LZTFL1: variants seen among roughly 807,000 people sequenced by gnomAD.
The protein encoded by LZTFL1 is leucine zipper transcription factor-like protein 1.
Under a neutral mutation model 45.9 loss-of-function variants are expected in LZTFL1, and 25 were observed. The ratio of observed to expected loss-of-function variants is 0.54; its 90% CI spans 0.40 to 0.76. The LOEUF (loss-of-function observed/expected upper bound fraction) is 0.76, where lower values mean the gene tolerates loss of function less well. LZTFL1 is among the 30% of genes least tolerant of loss of function. The pLI is 0.00. For missense variants in LZTFL1, 277 were observed against 331.1 expected, an observed-to-expected ratio of 0.84 and a Z score of 1.27; for synonymous variants, 93 against 117.4, an observed-to-expected ratio of 0.79 and a Z score of 1.35.
intron 2 of LZTFL1, among the ~76,000 whole-genome samples, chr3:45,878,296 T>C (rs566315337): frequency 2.6e-4 from 40 of 152,362 alleles, no homozygotes; most frequent in Middle Eastern, 3.4e-3. Context: ...TGCAGGGGCC[T>C]GACCTTTTGA....
intron 2 of LZTFL1, among the ~76,000 whole-genome samples, chr3:45,881,680 C>T (rs1428816540): frequency 6.6e-6 from 1 of 152,166 alleles, no homozygotes; most frequent in African/African-American, 2.4e-5. Context: ...AGGGACCTTG[C>T]CCTTAAAAGT....
chr3:45,894,995 C>G (rs1421197775), intron 2 of LZTFL1: 1 of 1,596,672 alleles, frequency 6.3e-7, no homozygotes, highest in East Asian at 2.2e-5. Context: ...AAAACACACA[C>G]TCATCTTCCC....
Position 45,903,696 on chromosome 3 carries a change from C to T in LZTFL1, c.-215+9424G>A, listed in dbSNP as rs868362528. ...AGCCAGGGAGGGCGAAGGGGTGAAGCGCAGGCCTTGCTACCCCATCAACAT... is the reference window on the plus strand; with the variant it reads ...AGCCAGGGAGGGCGAAGGGGTGAAGTGCAGGCCTTGCTACCCCATCAACAT... On this transcript the variant is annotated intron_variant, in intron 2 of 4. Coordinates refer to the LZTFL1 transcript ENST00000472635. Among the ~76,000 whole-genome samples the T allele has an allele frequency of 1.7e-4, 26 of 152,332 alleles. No individual in the cohort carries two copies. In the South Asian group the frequency reaches 3.5e-3, roughly 21 times the overall value.
At chr3:45,883,634 T>C in intron 2 of LZTFL1, 1 of 436,340 alleles carries the variant, frequency 2.3e-6, no homozygotes, top group Non-Finnish European at 4.4e-6. Flanking sequence ...GTCAAAAAGG[T>C]CAGCGCTTCT....
intron 2 of LZTFL1, among the ~76,000 whole-genome samples, chr3:45,867,442 G>T (rs779069322): frequency 2.8e-4 from 43 of 152,080 alleles, no homozygotes; most frequent in Middle Eastern, 6.8e-3. Flanking sequence ...TCTTGCACCT[G>T]CTAGTCTGAA....
At chr3:45,907,281 C>T (rs2125770118) in intron 2 of LZTFL1, among the ~76,000 whole-genome samples, 1 of 152,320 alleles carries the variant, frequency 6.6e-6, no homozygotes, top group Middle Eastern at 3.4e-3. Context: ...TGGGAGTCAC[C>T]CTCCAGGCTT....
chr3:45,847,547 T>C (rs1701237461), intron 4 of LZTFL1, among the ~76,000 whole-genome samples: 1 of 152,182 alleles, frequency 6.6e-6, no homozygotes, highest in Admixed American at 6.5e-5. Context: ...AGGGGCATTG[T>C]CCAATATAAA....
chr3:45,861,518 A>G (rs938150898), intron 2 of LZTFL1, among the ~76,000 whole-genome samples: 2 of 152,170 alleles, frequency 1.3e-5, no homozygotes, highest in Non-Finnish European at 2.9e-5. Flanking sequence ...GGGTGGGGGA[A>G]TGTTTAAAAG....
chr3:45,892,763 C>T (rs571606088), intron 2 of LZTFL1, among the ~76,000 whole-genome samples: 6 of 152,168 alleles, frequency 3.9e-5, no homozygotes, highest in African/African-American at 2.4e-5. Context: ...AAAAAACCCA[C>T]GTGGGTCCGT....
At chr3:45,865,798 T>C (rs1701569490) in intron 2 of LZTFL1, among the ~76,000 whole-genome samples, 1 of 152,172 alleles carries the variant, frequency 6.6e-6, no homozygotes. Flanking sequence ...TCCTGAGTGT[T>C]TACCCAAGAG....
chr3:45,879,767 G>T (rs113183533), intron 2 of LZTFL1, among the ~76,000 whole-genome samples: 10,169 of 152,180 alleles, frequency 0.067, 366 homozygotes, highest in Non-Finnish European at 0.081. Flanking sequence ...GGGTATATAG[G>T]AACTCTCTGT....
intron 2 of LZTFL1, among the ~76,000 whole-genome samples, chr3:45,909,700 C>T (rs749218831): frequency 1.1e-4 from 17 of 152,218 alleles, no homozygotes; most frequent in Admixed American, 2.0e-4. Flanking sequence ...GAAGGAGGGA[C>T]GGAGTCCCCT....
In LZTFL1 at chr3:45,895,115, A is replaced by G. The variant is rs931224700; in HGVS notation, c.-215+18005T>C. 3 of 750,228 alleles carry G rather than the reference A, an allele frequency of 4.0e-6. No individual in the cohort carries two copies. In the Admixed American group the frequency reaches 6.4e-5, roughly 16 times the overall value. 46.5% of individuals were successfully genotyped at this position (750,228 alleles called of 1,614,324 possible). ...CGCATTGCTGGGTAGGTTGTTGTCCAGCACAGAGGGTTTTGCAAATGCAAA... is the reference window on the plus strand; with the variant it reads ...CGCATTGCTGGGTAGGTTGTTGTCCGGCACAGAGGGTTTTGCAAATGCAAA... On this transcript the variant is annotated intron_variant, in intron 2 of 4. Transcript: ENST00000472635.
rs1194643185 is a variant in LZTFL1, at chr3:45,890,313, ATATT to A, written c.-215+22803_-215+22806del. Among the ~76,000 whole-genome samples the A allele has an allele frequency of 6.5e-5, 4 of 62,014 alleles. 2 individuals are homozygous for A. The highest frequency in any genetic ancestry group is 1.8e-4 in the African/African-American group (2 of 11,408). 40.7% of individuals were successfully genotyped at this position (62,014 alleles called of 152,430 possible). ...ATAAATATATATATAACATATATAT[ATATT>A]TATATAAATATATATATAACATATA... On this transcript the variant is annotated intron_variant, in intron 2 of 4. Coordinates refer to the LZTFL1 transcript ENST00000472635.
chr3:45,880,033 A>T (rs1701824098), intron 2 of LZTFL1, among the ~76,000 whole-genome samples: 1 of 152,204 alleles, frequency 6.6e-6, no homozygotes, highest in Non-Finnish European at 1.5e-5. Context: ...GCCTCCGTAC[A>T]GGCAGAGGTC....
chr3:45,890,747 C>T (rs1702153953), intron 2 of LZTFL1, among the ~76,000 whole-genome samples: 1 of 152,126 alleles, frequency 6.6e-6, no homozygotes, highest in African/African-American at 2.4e-5. Flanking sequence ...TTTCATTCAC[C>T]TGAGAAATAT....
intron 2 of LZTFL1, among the ~76,000 whole-genome samples, chr3:45,868,281 T>C (rs1225756153): frequency 1.3e-5 from 2 of 151,892 alleles, no homozygotes; most frequent in Non-Finnish European, 2.9e-5. Context: ...GAAACTTGAT[T>C]GAAACCACTC....
Position 45,901,403 on chromosome 3 carries a change from T to A in LZTFL1, c.-215+11717A>T. Reference sequence around the variant, plus strand: ...TCTGCACCATGGTTTACCCTAGCGATGAGAGCACCAAACTGAAGTCAGCTG... The same window carrying A: ...TCTGCACCATGGTTTACCCTAGCGAAGAGAGCACCAAACTGAAGTCAGCTG... On this transcript the variant is annotated intron_variant, in intron 2 of 4. Coordinates refer to the LZTFL1 transcript ENST00000472635. This position sits in a 1 kb window ranked among gnomAD's most constrained non-coding sequence, Gnocchi z 4.3. The A allele has an allele frequency of 6.2e-7, 1 of 1,614,174 alleles. No individual in the cohort carries two copies. The highest frequency in any genetic ancestry group is 8.5e-7 in the Non-Finnish European group (1 of 1,179,998).
At chr3:45,857,092 T>G (rs1701405340) in intron 3 of LZTFL1, among the ~76,000 whole-genome samples, 1 of 152,360 alleles carries the variant, frequency 6.6e-6, no homozygotes, top group South Asian at 2.1e-4. Flanking sequence ...GTAGCACTAT[T>G]CACAATAGCA....
Sources: gnomAD v4.1 joint callset for allele counts (sites outside exome capture counted in the v4.1 genomes callset) on GRCh38, gnomAD v4.1.1 for gene constraint, Gnocchi (gnomAD v3.1) non-coding constraint, MANE v1.5 for transcripts, NCBI Gene and HGNC (gene_info 2026-07-23, HGNC 2026-07-21) for gene names.